Variants in CSMD1 observed in about 807,000 individuals in gnomAD.
The protein encoded by CSMD1 is CUB and Sushi multiple domains 1.
A neutral mutation model predicts 417.5 loss-of-function variants in CSMD1; 213 were observed. The ratio of observed to expected loss-of-function variants is 0.51; its 90% CI spans 0.46 to 0.57. The LOEUF is 0.57. Ranked by LOEUF, CSMD1 falls within the 20% of genes least tolerant of loss-of-function variation. The probability of loss-of-function intolerance (pLI) is 0.00; values close to 1 mark genes in which losing one functional copy is unlikely to be tolerated. For synonymous variants in CSMD1, 2,862 were observed against 1,736.8 expected (o/e 1.65, Z -16.11); for missense variants, 6,923 against 4,529.7 (o/e 1.53, Z -15.17).
At chr8:4,692,968 T>G (rs1179110645) in intron 1 of CSMD1, among the ~76,000 whole-genome samples, 1 of 152,188 alleles carries the variant, frequency 6.6e-6, no homozygotes, top group Non-Finnish European at 1.5e-5. Flanking sequence ...GTCACCTGCC[T>G]TATTTCTGCC....
intron 1 of CSMD1, among the ~76,000 whole-genome samples, chr8:4,955,867 C>A (rs942609031): frequency 6.8e-6 from 1 of 147,062 alleles, no homozygotes; most frequent in Non-Finnish European, 1.5e-5. Context: ...AGTATCTTTC[C>A]CCTCTAGAAA....
chr8:2,987,214 T>A (rs980357700), intron 54 of CSMD1, among the ~76,000 whole-genome samples: 21 of 152,194 alleles, frequency 1.4e-4, no homozygotes, highest in African/African-American at 5.1e-4. Context: ...CTCTCTGAGC[T>A]ATTAAAATTT....
intron 10 of CSMD1, among the ~76,000 whole-genome samples, chr8:3,499,406 G>A (rs1585257815): frequency 6.6e-6 from 1 of 152,188 alleles, no homozygotes; most frequent in Non-Finnish European, 1.5e-5. Flanking sequence ...GCTTCTCAGT[G>A]GAATGAGTTT....
At chr8:4,265,049 T>C (rs1243899737) in intron 3 of CSMD1, among the ~76,000 whole-genome samples, 1 of 152,168 alleles carries the variant, frequency 6.6e-6, no homozygotes, top group Non-Finnish European at 1.5e-5. Context: ...AGGTCAGATT[T>C]GCCTTGATAC....
At chr8:4,737,817 G>C (rs1025538266) in intron 1 of CSMD1, among the ~76,000 whole-genome samples, 3 of 152,258 alleles carry the variant, frequency 2.0e-5, no homozygotes, top group Middle Eastern at 3.4e-3. Context: ...CTAAAGTAAT[G>C]GGCAGCATAT....
At chr8:4,838,874 C>A (rs1478563528) in intron 1 of CSMD1, among the ~76,000 whole-genome samples, 1 of 152,174 alleles carries the variant, frequency 6.6e-6, no homozygotes, top group Admixed American at 6.5e-5. Context: ...CAGTAGCAAT[C>A]TTTTGTTCTA....
chr8:4,115,979 T>TATTTA (rs1802116361), intron 3 of CSMD1, among the ~76,000 whole-genome samples: 1 of 84,498 alleles, frequency 1.2e-5, no homozygotes, highest in East Asian at 4.9e-4. Context: ...TTTATTTATT[T>TATTTA]ATTTATTTAT....
rs118090826 is a variant in CSMD1, at chr8:3,424,975, C to T, written c.1562-15370G>A. On this transcript the variant is annotated intron_variant, in intron 12 of 69. Coordinates refer to ENST00000635120, the MANE Select transcript of CSMD1 (RefSeq NM_033225.6). ...TCAGCCCCTGGAGTGGCTGGGACAACAGGTACATGCCACCACACCCAGATA... is the reference window on the plus strand; with the variant it reads ...TCAGCCCCTGGAGTGGCTGGGACAATAGGTACATGCCACCACACCCAGATA... Among the ~76,000 whole-genome samples the T allele has an allele frequency of 4.1e-3, 626 of 152,250 alleles. 3 individuals carry two copies. Among genetic ancestry groups the T allele is most frequent in the South Asian group, 0.024 (114 of 4,828 alleles).
intron 37 of CSMD1, among the ~76,000 whole-genome samples, chr8:3,167,017 T>G (rs932939064): frequency 7.9e-5 from 12 of 152,154 alleles, no homozygotes; most frequent in Non-Finnish European, 1.6e-4. Context: ...CGGGGCACAG[T>G]GGCTCACGCC....
chr8:4,213,242 C>A (rs1249895200), intron 3 of CSMD1, among the ~76,000 whole-genome samples: 1 of 152,134 alleles, frequency 6.6e-6, no homozygotes, highest in African/African-American at 2.4e-5. Context: ...AGCTGGGTGG[C>A]TCCATTCTGT....
intron 3 of CSMD1, among the ~76,000 whole-genome samples, chr8:4,121,166 G>A (rs1408116391): frequency 2.0e-5 from 3 of 151,958 alleles, no homozygotes; most frequent in African/African-American, 7.3e-5. Context: ...CCAGGCTGGA[G>A]TGCAATGGCA....
chr8:3,238,688 C>T (rs369650066), intron 26 of CSMD1, among the ~76,000 whole-genome samples: 13 of 152,036 alleles, frequency 8.6e-5, no homozygotes, highest in East Asian at 3.9e-4. Flanking sequence ...AAAAACTAAA[C>T]GGAATAAGAG....
intron 7 of CSMD1, among the ~76,000 whole-genome samples, chr8:3,630,622 C>T (rs1796734668): frequency 6.6e-6 from 1 of 152,088 alleles, no homozygotes; most frequent in African/African-American, 2.4e-5. Flanking sequence ...GGCTGGCATG[C>T]TGAGTGAGGG....
intron 3 of CSMD1, among the ~76,000 whole-genome samples, chr8:4,210,641 T>C (rs1005921222): frequency 6.6e-6 from 1 of 152,116 alleles, no homozygotes; most frequent in African/African-American, 2.4e-5. Context: ...AATTATACAA[T>C]TAGCCAAGAA....
intron 3 of CSMD1, among the ~76,000 whole-genome samples, chr8:4,317,975 A>T (rs1320790689): frequency 6.6e-6 from 1 of 152,200 alleles, no homozygotes; most frequent in Non-Finnish European, 1.5e-5. Context: ...GTATTTTATA[A>T]TAGTTATTGA....
At chr8:4,811,330 T>G (rs1798892167) in intron 1 of CSMD1, among the ~76,000 whole-genome samples, 1 of 152,170 alleles carries the variant, frequency 6.6e-6, no homozygotes, top group Non-Finnish European at 1.5e-5. Flanking sequence ...AGAGAGAAGT[T>G]TCTTCTTTCA....
At chr8:4,511,169 C>T (rs911116860) in intron 2 of CSMD1, among the ~76,000 whole-genome samples, 2 of 152,084 alleles carry the variant, frequency 1.3e-5, no homozygotes, top group Non-Finnish European at 2.9e-5. Flanking sequence ...TTGTTTCCCA[C>T]ATAGCAAGCC....
At chr8:3,362,385 C>G (rs952487437) in intron 20 of CSMD1, among the ~76,000 whole-genome samples, 3 of 152,164 alleles carry the variant, frequency 2.0e-5, no homozygotes, top group South Asian at 2.1e-4. Flanking sequence ...GATGCAAAAA[C>G]CAATGGTCAA....
Position 4,180,492 on chromosome 8 carries a change from G to T in CSMD1, c.416-148393C>A, listed in dbSNP as rs182131313. ...GCCTAATGCTAAATGACGAGTTAGT[G>T]GGTGCAGCACACCAGCATGGCACAT... is the stretch of plus-strand genomic sequence containing the variant. On this transcript the variant is annotated intron_variant, in intron 3 of 69. Coordinates refer to ENST00000635120, the MANE Select transcript of CSMD1 (RefSeq NM_033225.6). Among the ~76,000 whole-genome samples, 236 of 151,488 alleles carry T rather than the reference G, an allele frequency of 1.6e-3. 1 individual carries two copies. Among genetic ancestry groups the T allele is most frequent in the Admixed American group, 4.6e-3 (70 of 15,208 alleles).
Sources: gnomAD v4.1 joint callset for allele counts (sites outside exome capture counted in the v4.1 genomes callset) on GRCh38, gnomAD v4.1.1 for gene constraint, MANE v1.5 for transcripts, NCBI Gene and HGNC (gene_info 2026-07-23, HGNC 2026-07-21) for gene names.